SLC35A3: variants seen among roughly 807,000 people sequenced by gnomAD.
SLC35A3 encodes the protein UDP-N-acetylglucosamine transporter.
In SLC35A3, 26 loss-of-function variants were observed where a neutral mutation model predicts 39.0. That is an observed-to-expected ratio of 0.67 (90% CI 0.49 to 0.92). SLC35A3 has a LOEUF of 0.92. Among genes scored for constraint, SLC35A3 ranks in the 40% least tolerant of loss-of-function variants. The pLI is 0.00. For missense variants in SLC35A3, 299 were observed against 371.6 expected (o/e 0.80, Z 1.61); for synonymous variants, 135 against 133.1 (o/e 1.01, Z -0.10).
intron 1 of SLC35A3, among the ~76,000 whole-genome samples, chr1:99,974,545 G>T (rs1657001792): frequency 6.6e-6 from 1 of 152,046 alleles, no homozygotes; most frequent in Admixed American, 6.6e-5. Flanking sequence ...GGCTTGGCTG[G>T]TCTTGAACTC....
At chr1:100,017,917 A>G in intron 7 of SLC35A3, 102 bp downstream of exon 7, 1 of 567,244 alleles carries the variant, frequency 1.8e-6, no homozygotes, top group South Asian at 3.7e-5. Flanking sequence ...ACTGAAATAT[A>G]ATTTTAAAAA....
intron 3 of SLC35A3, among the ~76,000 whole-genome samples, chr1:100,003,486 C>T (rs115970350): frequency 6.8e-6 from 1 of 147,434 alleles, no homozygotes; most frequent in Non-Finnish European, 1.5e-5. Flanking sequence ...TGAGAAGATA[C>T]TTGATATGAC....
intron 7 of SLC35A3, 35 bp downstream of exon 7, chr1:100,017,850 G>A (rs1423605494): frequency 1.5e-6 from 2 of 1,344,922 alleles, no homozygotes; most frequent in Non-Finnish European, 2.0e-6. Flanking sequence ...TAAATCCCCA[G>A]AAGTATATAG....
chr1:100,013,445 CAA>C (rs59892113), intron 5 of SLC35A3, among the ~76,000 whole-genome samples: 14 of 59,524 alleles, frequency 2.4e-4, no homozygotes, highest in Admixed American at 3.7e-4. Flanking sequence ...AAACTCTGTA[CAA>C]AAAAAAAAAA....
At chr1:99,977,510 C>T (rs1346451586) in intron 1 of SLC35A3, among the ~76,000 whole-genome samples, 1 of 149,480 alleles carries the variant, frequency 6.7e-6, no homozygotes, top group East Asian at 2.0e-4. Flanking sequence ...CCATTGCACT[C>T]CAGCTTGGGC....
intron 3 of SLC35A3, among the ~76,000 whole-genome samples, chr1:100,004,322 T>G (rs1659043063): frequency 6.6e-6 from 1 of 152,226 alleles, no homozygotes; most frequent in Non-Finnish European, 1.5e-5. Flanking sequence ...TGTTTGTTTT[T>G]GAGGCAAGGT....
At chr1:99,970,586 A>T (rs1656746853) in intron 1 of SLC35A3, 4 of 1,536,098 alleles carry the variant, frequency 2.6e-6, no homozygotes, top group South Asian at 2.4e-5. Context: ...GATGCACCCG[A>T]CCAGCACCTG....
Position 100,024,663 on chromosome 1 carries a change from G to A in SLC35A3, c.*2187G>A. 1 of 380,530 alleles carries A rather than the reference G, an allele frequency of 2.6e-6. No individual in the cohort carries two copies. 23.6% of individuals were successfully genotyped at this position (380,530 alleles called of 1,614,324 possible). ...GAGACAGAGTCTCACTTTGTCGCCAGGCTGGAGTGCTGTGGCGCGATCTCG... is the reference window on the plus strand; with the variant it reads ...GAGACAGAGTCTCACTTTGTCGCCAAGCTGGAGTGCTGTGGCGCGATCTCG... On this transcript the variant is annotated 3_prime_UTR_variant, in exon 8 of 8. Transcript: ENST00000533028.
At chr1:100,004,548 C>T (rs191955678) in intron 3 of SLC35A3, among the ~76,000 whole-genome samples, 58 of 152,160 alleles carry the variant, frequency 3.8e-4, no homozygotes, top group African/African-American at 4.8e-4. Context: ...GAGATCTGCC[C>T]GCCTTGGCCT....
intron 7 of SLC35A3, among the ~76,000 whole-genome samples, chr1:100,020,334 A>T (rs1033776109): frequency 6.6e-6 from 1 of 152,178 alleles, no homozygotes; most frequent in Non-Finnish European, 1.5e-5. Context: ...CCTGCAGTGG[A>T]TACAAAGGTA....
chr1:100,022,423 A>T lies in SLC35A3; in HGVS notation c.925A>T (p.Thr309Ser), dbSNP rs1660617951. 2.5e-6 allele frequency: 4 copies of T among 1,605,136 alleles called. No homozygotes were observed. Among genetic ancestry groups the T allele is most frequent in the Non-Finnish European group, 2.6e-6 (3 of 1,173,028 alleles). Reference protein sequence around the residue: ...FLGAILVITATFLYGYDPKPA... With the variant: ...FLGAILVITASFLYGYDPKPA... ...TGGAGCCATCCTTGTAATAACAGCT[A>T]CTTTTTTGTATGGTTATGATCCCAA... Residue 309 changes from threonine (T) to serine (S), a missense_variant, in exon 8 of 8, where the codon ACT becomes TCT. Coordinates refer to ENST00000533028, the MANE Select transcript of SLC35A3 (RefSeq NM_012243.3).
chr1:100,014,114 A>G (rs1659881591), intron 5 of SLC35A3, among the ~76,000 whole-genome samples: 1 of 152,266 alleles, frequency 6.6e-6, no homozygotes, highest in Non-Finnish European at 1.5e-5. Flanking sequence ...TTTCTCTAAC[A>G]GTGAAACTTC....
rs1487028371 is a variant in SLC35A3 at position 100,034,254 on chromosome 1, CTCTG to C, written c.*11780_*11783del. 2.0e-5 allele frequency: 3 copies of C among 151,964 alleles called. No homozygotes were observed. Among genetic ancestry groups the C allele is most frequent in the Admixed American group, 6.5e-5 (1 of 15,270 alleles). 9.4% of individuals were successfully genotyped at this position (151,964 alleles called of 1,614,324 possible). ...TTCTCATAGCTGTTTTATTCCTCTT[CTCTG>C]TATTTCTTACTTTACTTTTATTTGT... On this transcript the variant is annotated 3_prime_UTR_variant, in exon 8 of 8. Transcript: ENST00000533028.
chr1:99,973,854 A>G (rs1411860031), intron 1 of SLC35A3, among the ~76,000 whole-genome samples: 1 of 152,180 alleles, frequency 6.6e-6, no homozygotes, highest in Non-Finnish European at 1.5e-5. Flanking sequence ...GTCTCTACTA[A>G]AAATACAAAA....
chr1:99,979,959 G>A (rs1657361273), intron 1 of SLC35A3, among the ~76,000 whole-genome samples: 1 of 151,724 alleles, frequency 6.6e-6, no homozygotes, highest in African/African-American at 2.4e-5. Flanking sequence ...CAGGAGAATC[G>A]CTTGAACCCA....
intron 1 of SLC35A3, among the ~76,000 whole-genome samples, chr1:99,977,219 CAAG>C (rs1218778009): frequency 5.9e-5 from 9 of 151,860 alleles, no homozygotes; most frequent in Non-Finnish European, 1.0e-4. Context: ...CTCTGTCACA[CAAG>C]AAGGAGTGCA....
chr1:100,016,286 G>A lies in SLC35A3; in HGVS notation c.753+866G>A, dbSNP rs576182375. Among the ~76,000 whole-genome samples the A allele has an allele frequency of 2.5e-4, 38 of 151,404 alleles. No homozygotes were observed. The South Asian group carries it at 5.4e-3, about 22-fold the overall frequency. On this transcript the variant is annotated intron_variant, in intron 6 of 7. Coordinates refer to ENST00000533028, the MANE Select transcript of SLC35A3 (RefSeq NM_012243.3). ...TCACCATGTTAGCCAGGATGATCTC[G>A]ATCTCCTGACCTCGTTATCCACCCA...
chr1:99,979,430 C>T (rs58316746), intron 1 of SLC35A3, among the ~76,000 whole-genome samples: 4,239 of 136,304 alleles, frequency 0.031, 241 homozygotes, highest in African/African-American at 0.11. Context: ...CCTTTTCTTT[C>T]TTTTTTTTTT....
At chr1:100,017,223 G>T (rs939560437) in intron 6 of SLC35A3, among the ~76,000 whole-genome samples, 1 of 152,170 alleles carries the variant, frequency 6.6e-6, no homozygotes, top group Admixed American at 6.5e-5. Flanking sequence ...TAATGTGACA[G>T]TAATGAGAGG....
Sources: allele counts gnomAD v4.1 joint callset (sites outside exome capture counted in the v4.1 genomes callset), GRCh38; gene constraint gnomAD v4.1.1; transcripts MANE v1.5; gene names NCBI Gene and HGNC (gene_info 2026-07-23, HGNC 2026-07-21).